The following RRP12 variants were observed in gnomAD, a reference collection of about 807,000 sequenced individuals.
RRP12 encodes the protein RRP12-like protein.
In RRP12, 78 loss-of-function variants were observed where a neutral mutation model predicts 157.3. The ratio of observed to expected loss-of-function variants is 0.50; its 90% CI spans 0.41 to 0.60. RRP12 has a LOEUF of 0.60. Ranked by LOEUF, RRP12 falls within the 20% of genes least tolerant of loss-of-function variation. The probability of loss-of-function intolerance (pLI) is 0.00; values close to 1 mark genes in which losing one functional copy is unlikely to be tolerated. For synonymous variants in RRP12, 726 were observed against 670.9 expected (o/e 1.08, Z -1.27); for missense variants, 1,521 against 1,679.9 (o/e 0.91, Z 1.65).
chr10:97,388,014 C>A, intron 8 of RRP12: 1 of 521,466 alleles, frequency 1.9e-6, no homozygotes, highest in East Asian at 3.5e-5. Context: ...GGTTTACCAG[C>A]CCACTACAGA....
intron 30 of RRP12, among the ~76,000 whole-genome samples, chr10:97,362,228 A>G (rs969092572): frequency 2.0e-5 from 3 of 152,124 alleles, no homozygotes; most frequent in South Asian, 2.1e-4. Context: ...CCTGGAGACA[A>G]GGCATCTGCT....
rs1295529826 is a variant in RRP12, at chr10:97,401,221, G to A, written c.11C>T (p.Ser4Leu). The A allele has an allele frequency of 5.6e-6, 9 of 1,614,020 alleles. No individual in the cohort carries two copies. The highest frequency in any genetic ancestry group is 5.0e-5 in the Admixed American group (3 of 59,992). Residue 4 changes from serine to leucine, a missense_variant, in exon 1 of 34, where the codon TCG becomes TTG. By Grantham distance (145) the Ser-to-Leu change is moderately radical. Transcript: ENST00000370992. ...TGAGACACCAGAAGGCAACTTTCCC[G>A]AGCGACCCATGTTGACTAAGCCGTG... MGRSGKLPSGVSAK... is the reference protein window; with the variant it reads MGRLGKLPSGVSAK...
At chr10:97,372,697 G>A (rs1261289509) in intron 19 of RRP12, 39 bp downstream of exon 19, 1 of 1,519,916 alleles carries the variant, frequency 6.6e-7, no homozygotes, top group Non-Finnish European at 8.9e-7. Context: ...CAGCTCCCTG[G>A]GCTGCTCCAG....
intron 8 of RRP12, among the ~76,000 whole-genome samples, chr10:97,387,337 T>C (rs1171661541): frequency 6.9e-6 from 1 of 144,406 alleles, no homozygotes; most frequent in Non-Finnish European, 1.5e-5. Flanking sequence ...TCTTTTTCCT[T>C]TTTTTTTTTT....
At chr10:97,358,458 C>A (rs543322018) in intron 33 of RRP12, 79 bp downstream of exon 33, 17 of 1,038,852 alleles carry the variant, frequency 1.6e-5, no homozygotes, top group Non-Finnish European at 2.5e-5. Flanking sequence ...TTTAATAAGG[C>A]CTTCCCTTCT....
Position 97,379,301 on chromosome 10 carries a change from TTCA to T in RRP12, c.1787_1789del (p.Leu596_Lys597delinsGln). 6.2e-7 allele frequency: 1 copy of T among 1,614,014 alleles called. No homozygotes were observed. Among genetic ancestry groups the T allele is most frequent in the Non-Finnish European group, 8.5e-7 (1 of 1,179,920 alleles). ...GCAAGGGTCTCTCCTACCTTTGCTC[TTCA>T]GGGTGTTAGCCAGGGGCAAGAAGTA... On this transcript the variant is annotated inframe_deletion, in exon 15 of 34. Coordinates refer to ENST00000370992, the MANE Select transcript of RRP12 (RefSeq NM_015179.4).
chr10:97,357,511 C>A (rs558335447), intron 33 of RRP12, among the ~76,000 whole-genome samples: 1 of 152,274 alleles, frequency 6.6e-6, no homozygotes, highest in Non-Finnish European at 1.5e-5. Context: ...ACTTACAACC[C>A]GCAGAAGCTA....
chr10:97,392,840 G>A (rs1234156466), intron 4 of RRP12, among the ~76,000 whole-genome samples: 1 of 151,758 alleles, frequency 6.6e-6, no homozygotes. Flanking sequence ...ACAGGCACCT[G>A]CCACCATGCC....
At chr10:97,363,931 G>T (rs1204684300) in intron 29 of RRP12, 28 bp from the exon 30 acceptor site, 1 of 1,609,992 alleles carries the variant, frequency 6.2e-7, no homozygotes, top group Admixed American at 1.7e-5. Context: ...AGGCCCATGA[G>T]CGCTGTGGGA....
At chr10:97,372,867 G>A (rs548092837) in intron 18 of RRP12, 64 bp from the exon 19 acceptor site, 5 of 1,499,052 alleles carry the variant, frequency 3.3e-6, no homozygotes, top group Non-Finnish European at 4.5e-6. Flanking sequence ...AAGCAGCAAT[G>A]GCAGCAGTCC....
chr10:97,373,132 G>C lies in RRP12; in HGVS notation c.2095C>G (p.Gln699Glu), dbSNP rs1320207396. 1.2e-6 allele frequency: 2 copies of C among 1,614,168 alleles called. No individual in the cohort carries two copies. Among genetic ancestry groups the C allele is most frequent in the South Asian group, 2.2e-5 (2 of 91,086 alleles). ...FLPILFNLYG[Q>E]PVAAGDTPAP... ...GGAGTGTCCCCGGCTGCCACGGGCTGCCCATACAGGTTGAAGAGGATCGGC... is the reference window on the plus strand; with the variant it reads ...GGAGTGTCCCCGGCTGCCACGGGCTCCCCATACAGGTTGAAGAGGATCGGC... The change falls in exon 18 of 34, where the codon CAG becomes GAG. Residue 699 changes from glutamine to glutamate, a missense_variant. By Grantham distance (29) the Gln-to-Glu change is conservative. Transcript: ENST00000370992.
Position 97,365,885 on chromosome 10 carries a change from G to A in RRP12, c.3517+223C>T, listed in dbSNP as rs1309662535. On this transcript the variant is annotated intron_variant, in intron 29 of 33. Coordinates refer to ENST00000370992, the MANE Select transcript of RRP12 (RefSeq NM_015179.4). Reference sequence around the variant, plus strand: ...CACAGTAAGGGGAAGTACCATTTCCGATAGTTTCCTTTAAGTTAAATATGT... The same window carrying A: ...CACAGTAAGGGGAAGTACCATTTCCAATAGTTTCCTTTAAGTTAAATATGT... The A allele has an allele frequency of 7.7e-5, 44 of 573,996 alleles. 1 individual carries two copies. Among genetic ancestry groups the A allele is most frequent in the Non-Finnish European group, 1.3e-4 (42 of 326,898 alleles). 35.6% of individuals were successfully genotyped at this position (573,996 alleles called of 1,614,324 possible). A position where few individuals can be genotyped will look rare whatever the true frequency, so the allele number is the denominator to read the frequency against.
Position 97,372,729 on chromosome 10 carries a change from A to C in RRP12, c.2249+7T>G. 1 of 1,556,714 alleles carries C rather than the reference A, an allele frequency of 6.4e-7. No homozygotes were observed. Among genetic ancestry groups the C allele is most frequent in the Non-Finnish European group, 8.7e-7 (1 of 1,149,738 alleles). On this transcript the variant is annotated splice_region_variant and intron_variant, in intron 19 of 33. Transcript: ENST00000370992. ...CCAGCTCAAGTGGGAGGCCCTGAGCATGTTACCTGGTAAAGTCAGAGCTGG... is the reference window on the plus strand; with the variant it reads ...CCAGCTCAAGTGGGAGGCCCTGAGCCTGTTACCTGGTAAAGTCAGAGCTGG...
intron 6 of RRP12, 28 bp downstream of exon 6, chr10:97,390,395 C>G (rs781496521): frequency 6.4e-7 from 1 of 1,560,254 alleles, no homozygotes; most frequent in East Asian, 2.2e-5. Context: ...TCCCCTTGCC[C>G]CATTTTCTAG....
chr10:97,385,328 C>T, intron 9 of RRP12, 71 bp from the exon 10 acceptor site: 5 of 1,171,858 alleles, frequency 4.3e-6, no homozygotes, highest in Non-Finnish European at 6.3e-6. Context: ...GACCCCTTCC[C>T]ATCCTGGCAC....
intron 2 of RRP12, 92 bp from the exon 3 acceptor site, chr10:97,396,393 T>TGGTTAG: frequency 1.0e-6 from 1 of 981,782 alleles, no homozygotes; most frequent in South Asian, 1.3e-5. Flanking sequence ...GATTAATCTC[T>TGGTTAG]GGTTAAAGCC....
intron 8 of RRP12, among the ~76,000 whole-genome samples, chr10:97,387,808 G>T (rs1169936445): frequency 6.6e-6 from 1 of 151,860 alleles, no homozygotes; most frequent in East Asian, 1.9e-4. Flanking sequence ...TGGGCGTGGT[G>T]GTGCATGCCT....
At position 97,372,765 on chromosome 10, in the gene RRP12, C is replaced by T. The variant is rs1215317708; in HGVS notation, c.2220G>A (p.Val740=). The stretch of plus-strand genomic sequence containing the variant: ...TAAAGTCAGAGCTGGCAGGGTCGAG[C>T]ACCTTCTCACTGGCTTTTTCCAGGA... ...NSLLEKASEK[V]LDPASSDFTR... The change falls in exon 19 of 34, where the codon GTG becomes GTA. Residue 740 remains valine, a synonymous_variant. Coordinates refer to ENST00000370992, the MANE Select transcript of RRP12 (RefSeq NM_015179.4). 11 of 1,563,364 alleles carry T rather than the reference C, an allele frequency of 7.0e-6. No homozygotes were observed. The highest frequency in any genetic ancestry group is 9.5e-6 in the Non-Finnish European group (11 of 1,153,278).
At chr10:97,399,583 G>A (rs1355345728) in intron 2 of RRP12, among the ~76,000 whole-genome samples, 2 of 151,570 alleles carry the variant, frequency 1.3e-5, no homozygotes, top group African/African-American at 4.9e-5. Flanking sequence ...GGCCAGGCAC[G>A]GTGGCTCATG....
Sources: allele counts gnomAD v4.1 joint callset (sites outside exome capture counted in the v4.1 genomes callset), GRCh38; gene constraint gnomAD v4.1.1; transcripts MANE v1.5; gene names NCBI Gene and HGNC (gene_info 2026-07-23, HGNC 2026-07-21).